Variants in PRH1 observed in about 807,000 individuals in gnomAD.
The protein encoded by PRH1 is salivary acidic proline-rich phosphoprotein 1/2.
A neutral mutation model predicts 7.9 loss-of-function variants in PRH1; 7 were observed. The observed-to-expected ratio is 0.89, with a 90% CI of 0.50 to 1.67. The LOEUF is 1.67. Ranked by LOEUF, PRH1 falls within the 40% of genes most tolerant of loss-of-function variation. The pLI is 0.00. For missense variants in PRH1, 109 were observed against 223.6 expected (o/e 0.49, Z 3.27); for synonymous variants, 45 against 80.8 (o/e 0.56, Z 2.38).
Position 11,087,941 on chromosome 12 carries a change from G to A in PRH1, n.124-40753C>T, listed in dbSNP as rs1353073801. ...AGGAAAAATCAAAACAATTTGCCTC[G>A]TTTTATAATAATAATAACACTGTCA... On this transcript the variant is annotated intron_variant and non_coding_transcript_variant, in intron 1 of 4. Coordinates refer to the PRH1 transcript ENST00000541977. Among the ~76,000 whole-genome samples, 11 of 109,488 alleles carry A rather than the reference G, an allele frequency of 1.0e-4. 3 individuals are homozygous for A. Among genetic ancestry groups the A allele is most frequent in the Admixed American group, 2.8e-4 (3 of 10,868 alleles). 71.8% of individuals were successfully genotyped at this position (109,488 alleles called of 152,430 possible). A position where few individuals can be genotyped will look rare whatever the true frequency, so the allele number is the denominator to read the frequency against.
chr12:10,909,044 C>T (rs1480889289), intron 2 of PRH1: 1 of 1,613,568 alleles, frequency 6.2e-7, no homozygotes, highest in South Asian at 1.1e-5. Context: ...AGCTAAAAAT[C>T]ATAATTCTTA....
intron 1 of PRH1, among the ~76,000 whole-genome samples, chr12:11,005,479 A>C (rs1427845901): frequency 6.6e-6 from 1 of 152,120 alleles, no homozygotes; most frequent in African/African-American, 2.4e-5. Context: ...TTGATTTTTT[A>C]AATGTCAGAT....
intron 1 of PRH1, among the ~76,000 whole-genome samples, chr12:11,058,690 G>A (rs1029875598): frequency 4.0e-4 from 16 of 39,992 alleles, no homozygotes; most frequent in Non-Finnish European, 1.2e-3. Context: ...GCTGTTAGAG[G>A]CATACATAGT....
Position 11,144,826 on chromosome 12 carries a change from G to A in PRH1, n.40-23646C>T, listed in dbSNP as rs1443747130. Among the ~76,000 whole-genome samples, 3 of 152,290 alleles carry A rather than the reference G, an allele frequency of 2.0e-5. No individual in the cohort carries two copies. In the East Asian group the frequency reaches 5.8e-4, roughly 29 times the overall value. On this transcript the variant is annotated intron_variant and non_coding_transcript_variant, in intron 1 of 1. Transcript: ENST00000541175. The stretch of plus-strand genomic sequence containing the variant: ...AGCTCTCTAACTTAACTCAGCTCAA[G>A]GTAAAGCCAGAAACTTCTCCTGCAA...
rs751908047 is a variant in PRH1 at position 10,882,198 on chromosome 12, T to C, written c.*18+19A>G. The C allele has an allele frequency of 4.7e-5, 75 of 1,612,594 alleles. No homozygotes were observed. The highest frequency in any genetic ancestry group is 6.0e-5 in the Non-Finnish European group (71 of 1,179,676). On this transcript the variant is annotated intron_variant, in intron 3 of 3. Coordinates refer to ENST00000543626, the MANE Select transcript of PRH1 (RefSeq NM_001393989.1). ...TGTAGCAGTTGGAGCCTTTGATGGA[T>C]AATAAACTGGAATCGTACCTGTCAT...
chr12:10,883,811 C>T (rs1949446800), intron 1 of PRH1, among the ~76,000 whole-genome samples: 1 of 152,194 alleles, frequency 6.6e-6, no homozygotes, highest in African/African-American at 2.4e-5. Flanking sequence ...CCACCATCAT[C>T]CCTGTCTACT....
intron 1 of PRH1, among the ~76,000 whole-genome samples, chr12:11,123,907 CT>C (rs1946004944): frequency 6.6e-6 from 1 of 152,170 alleles, no homozygotes; most frequent in African/African-American, 2.4e-5. Context: ...TACAGGGAAA[CT>C]GAACAAACTA....
At chr12:11,131,589 A>C (rs982143499) in intron 1 of PRH1, among the ~76,000 whole-genome samples, 2 of 152,304 alleles carry the variant, frequency 1.3e-5, no homozygotes, top group Non-Finnish European at 2.9e-5. Flanking sequence ...ACATACGCAA[A>C]TAGACCAAAG....
At chr12:11,126,281 G>A (rs1439787241) in intron 1 of PRH1, among the ~76,000 whole-genome samples, 1 of 152,044 alleles carries the variant, frequency 6.6e-6, no homozygotes, top group East Asian at 1.9e-4. Context: ...TCTCACTTTA[G>A]AATTTCGACA....
rs537696282 is a variant in PRH1, at chr12:10,982,816, C to CA, written c.-125-9096_-125-9095insT. 1.9e-4 allele frequency among the ~76,000 whole-genome samples: 29 copies of CA among 152,288 alleles called. No homozygotes were observed. In the South Asian group the frequency reaches 6.0e-3, roughly 32 times the overall value. On this transcript the variant is annotated intron_variant, in intron 1 of 3. Coordinates refer to the PRH1 transcript ENST00000539853. ...TGAAGTTTATAGGGGTCCAATGCTT[C>CA]TGGTCCTTTTGTCAAAACATCCTTT... is the stretch of plus-strand genomic sequence containing the variant.
chr12:11,114,023 G>A (rs1013213213), intron 1 of PRH1, among the ~76,000 whole-genome samples: 1 of 152,138 alleles, frequency 6.6e-6, no homozygotes, highest in Admixed American at 6.5e-5. Flanking sequence ...TGGAGAGTAG[G>A]TGGAGAAATA....
intron 2 of PRH1, chr12:10,909,332 C>T (rs749835630): frequency 2.0e-6 from 3 of 1,469,362 alleles, no homozygotes; most frequent in Non-Finnish European, 1.9e-6. Flanking sequence ...TCTAATGTCA[C>T]TGCTGGTTAT....
At chr12:10,980,737 CAA>C (rs767704760) in intron 1 of PRH1, among the ~76,000 whole-genome samples, 1 of 151,980 alleles carries the variant, frequency 6.6e-6, no homozygotes, top group Non-Finnish European at 1.5e-5. Context: ...AATTTAGAGA[CAA>C]GAGAGAACTA....
intron 1 of PRH1, among the ~76,000 whole-genome samples, chr12:11,002,433 T>A (rs781736680): frequency 2.0e-5 from 3 of 152,242 alleles, no homozygotes; most frequent in Admixed American, 1.3e-4. Context: ...AATGATTTAC[T>A]GGCTATTTTT....
chr12:11,164,328 T>C (rs929147744), intron 1 of PRH1, among the ~76,000 whole-genome samples: 1 of 152,170 alleles, frequency 6.6e-6, no homozygotes, highest in African/African-American at 2.4e-5. Flanking sequence ...CTCCTGCCCT[T>C]GGACATCAGA....
Position 10,883,053 on chromosome 12 carries a change from G to A in PRH1, c.100+8C>T, listed in dbSNP as rs767067283. The A allele has an allele frequency of 5.0e-6, 8 of 1,611,160 alleles. No individual in the cohort carries two copies. In the Admixed American group the frequency reaches 8.3e-5, roughly 17 times the overall value. Reference sequence around the variant, plus strand: ...GACAGAGTTTACTGAGAATTTATTGGGATTTACCTGATATTACGAGGGGAA... The same window carrying A: ...GACAGAGTTTACTGAGAATTTATTGAGATTTACCTGATATTACGAGGGGAA... On this transcript the variant is annotated splice_region_variant and intron_variant, in intron 2 of 3. Coordinates refer to ENST00000543626, the MANE Select transcript of PRH1 (RefSeq NM_001393989.1).
chr12:11,103,099 T>C (rs1350598799), intron 1 of PRH1, among the ~76,000 whole-genome samples: 8 of 152,208 alleles, frequency 5.3e-5, no homozygotes, highest in Non-Finnish European at 1.2e-4. Context: ...GGTGAGACTG[T>C]AAACTAGTTC....
intron 1 of PRH1, among the ~76,000 whole-genome samples, chr12:11,108,453 T>G (rs186668465): frequency 1.3e-5 from 2 of 152,290 alleles, no homozygotes; most frequent in African/African-American, 4.8e-5. Context: ...TTTCTGCATT[T>G]CCAACTGAGT....
chr12:11,038,139 A>G (rs1017562477), intron 1 of PRH1, among the ~76,000 whole-genome samples: 6 of 152,282 alleles, frequency 3.9e-5, no homozygotes, highest in African/African-American at 1.4e-4. Context: ...TTACAATGGT[A>G]TCTATGAGAA....
Sources: gnomAD v4.1 joint callset for allele counts (sites outside exome capture counted in the v4.1 genomes callset) on GRCh38, gnomAD v4.1.1 for gene constraint, MANE v1.5 for transcripts, NCBI Gene and HGNC (gene_info 2026-07-23, HGNC 2026-07-21) for gene names.